The following PLCB4 variants were observed in gnomAD, a reference collection of about 807,000 sequenced individuals.
PLCB4 encodes the protein phospholipase C beta 4.
Under a neutral mutation model 178.8 loss-of-function variants are expected in PLCB4, and 77 were observed. The observed-to-expected ratio is 0.43, with a 90% CI of 0.36 to 0.52. PLCB4 has a LOEUF of 0.52. PLCB4 is among the 20% of genes least tolerant of loss of function. The pLI, the probability that PLCB4 is intolerant of heterozygous loss-of-function variation, is 0.00. For missense variants in PLCB4, 1,024 were observed against 1,453.4 expected (o/e 0.70, Z 4.80); for synonymous variants, 496 against 490.8 (o/e 1.01, Z -0.14).
At chr20:9,204,747 G>A (rs377493754) in intron 2 of PLCB4, among the ~76,000 whole-genome samples, 6 of 152,180 alleles carry the variant, frequency 3.9e-5, no homozygotes, top group African/African-American at 1.4e-4. Flanking sequence ...ACTGCCACTG[G>A]ATGGGACTGG....
rs75418230 is a variant in PLCB4 at position 9,426,701 on chromosome 20, T to G, written c.2524+2749T>G. 4.0e-3 allele frequency among the ~76,000 whole-genome samples: 606 copies of G among 152,288 alleles called. 5 individuals are homozygous for G. The highest frequency in any genetic ancestry group is 0.013 in the African/African-American group (550 of 41,556). ...CTTTTCTGTTTTATTTTTAATAAAATTAAATCTTACTATACTGCTAATTTG... is the reference window on the plus strand; with the variant it reads ...CTTTTCTGTTTTATTTTTAATAAAAGTAAATCTTACTATACTGCTAATTTG... On this transcript the variant is annotated intron_variant, in intron 28 of 39. Coordinates refer to ENST00000378473, the MANE Select transcript of PLCB4 (RefSeq NM_001377142.1).
At position 9,365,531 on chromosome 20, in the gene PLCB4, A is replaced by T; in HGVS notation, c.503+17A>T. 1 of 1,545,290 alleles carries T rather than the reference A, an allele frequency of 6.5e-7. No individual in the cohort carries two copies. Among genetic ancestry groups the T allele is most frequent in the Non-Finnish European group, 8.9e-7 (1 of 1,118,266 alleles). On this transcript the variant is annotated intron_variant, in intron 9 of 39. Coordinates refer to ENST00000378473, the MANE Select transcript of PLCB4 (RefSeq NM_001377142.1). ...AGTTAGGAGGTAAGTAATCATTCCT[A>T]TCTGCTGTCCGTGTCCCGGGTCAAC...
chr20:9,127,802 T>A (rs2327132), intron 2 of PLCB4, among the ~76,000 whole-genome samples: 134,277 of 152,038 alleles, frequency 0.88, 59,678 homozygotes, highest in East Asian at 1. Flanking sequence ...CTCCTGCCTC[T>A]GCCTCCTGAG....
At chr20:9,271,268 C>T (rs1424240480) in intron 3 of PLCB4, among the ~76,000 whole-genome samples, 1 of 152,152 alleles carries the variant, frequency 6.6e-6, no homozygotes, top group Admixed American at 6.5e-5. Context: ...GCTGAACTGT[C>T]AGAGGTAAAG....
intron 1 of PLCB4, among the ~76,000 whole-genome samples, chr20:9,070,447 T>C (rs925345665): frequency 6.6e-5 from 10 of 152,216 alleles, no homozygotes; most frequent in African/African-American, 2.4e-4. Context: ...TATAGAATCA[T>C]ACAGAAGATC....
chr20:9,326,917 T>C (rs573467552), intron 4 of PLCB4, among the ~76,000 whole-genome samples: 28 of 152,302 alleles, frequency 1.8e-4, no homozygotes, highest in African/African-American at 6.3e-4. Context: ...TTGCTCTTTT[T>C]AAAGATCTGT....
At chr20:9,206,299 C>CTTTCTTT (rs2093612916) in intron 2 of PLCB4, among the ~76,000 whole-genome samples, 2 of 96,126 alleles carry the variant, frequency 2.1e-5, no homozygotes, top group African/African-American at 7.7e-5. Context: ...TTTCTTTTTT[C>CTTTCTTT]TTTTTTTTTT....
At chr20:9,144,448 A>G (rs1402096657) in intron 2 of PLCB4, among the ~76,000 whole-genome samples, 5 of 151,742 alleles carry the variant, frequency 3.3e-5, no homozygotes, top group Non-Finnish European at 7.4e-5. Flanking sequence ...CAATCCATAG[A>G]AAATTGTTTT....
intron 3 of PLCB4, among the ~76,000 whole-genome samples, chr20:9,284,681 T>C (rs775591064): frequency 7.0e-4 from 106 of 151,970 alleles, no homozygotes; most frequent in Admixed American, 3.3e-3. Context: ...TAATCATCAG[T>C]ATCTATGACA....
chr20:9,232,024 T>A (rs1424699816), intron 3 of PLCB4, among the ~76,000 whole-genome samples: 1 of 152,128 alleles, frequency 6.6e-6, no homozygotes, highest in Non-Finnish European at 1.5e-5. Context: ...TAAAAAACAT[T>A]CTGCTGGGTG....
At chr20:9,216,060 T>G (rs1400372912) in intron 2 of PLCB4, among the ~76,000 whole-genome samples, 1 of 152,222 alleles carries the variant, frequency 6.6e-6, no homozygotes, top group African/African-American at 2.4e-5. Context: ...TAGTCATCTC[T>G]ATACATAGAT....
chr20:9,333,570 G>A (rs2032010631), intron 4 of PLCB4, among the ~76,000 whole-genome samples: 1 of 152,134 alleles, frequency 6.6e-6, no homozygotes, highest in African/African-American at 2.4e-5. Context: ...TTTTCGGCCA[G>A]GTAAGGAGTT....
At chr20:9,092,833 T>C (rs2090743077) in intron 1 of PLCB4, among the ~76,000 whole-genome samples, 1 of 152,146 alleles carries the variant, frequency 6.6e-6, no homozygotes. Context: ...GTTTACATCA[T>C]GAGAATGAAC....
chr20:9,230,365 G>A (rs994645480), intron 3 of PLCB4, among the ~76,000 whole-genome samples: 5 of 151,994 alleles, frequency 3.3e-5, no homozygotes, highest in Non-Finnish European at 7.4e-5. Flanking sequence ...TCCATAATAA[G>A]CAGTATAGGG....
At chr20:9,158,335 A>G (rs2092824776) in intron 2 of PLCB4, among the ~76,000 whole-genome samples, 1 of 151,590 alleles carries the variant, frequency 6.6e-6, no homozygotes, top group African/African-American at 2.4e-5. Flanking sequence ...ACATGATCTC[A>G]GCTCACTGTA....
chr20:9,139,403 C>G (rs1334328107), intron 2 of PLCB4, among the ~76,000 whole-genome samples: 1 of 152,056 alleles, frequency 6.6e-6, no homozygotes, highest in South Asian at 2.1e-4. Context: ...GACTCACTCA[C>G]ATGGTTAGTA....
intron 1 of PLCB4, among the ~76,000 whole-genome samples, chr20:9,075,187 C>G (rs1376130623): frequency 6.6e-6 from 1 of 152,070 alleles, no homozygotes; most frequent in Non-Finnish European, 1.5e-5. Flanking sequence ...GACTGAAACT[C>G]AGGTAGGCTG....
At chr20:9,285,320 A>T (rs747642603) in intron 3 of PLCB4, among the ~76,000 whole-genome samples, 7 of 151,988 alleles carry the variant, frequency 4.6e-5, no homozygotes, top group Non-Finnish European at 4.4e-5. Context: ...TATTGGTTTC[A>T]TGTGACTAAT....
intron 2 of PLCB4, among the ~76,000 whole-genome samples, chr20:9,180,608 C>T (rs2093229888): frequency 6.6e-6 from 1 of 152,156 alleles, no homozygotes; most frequent in Admixed American, 6.5e-5. Flanking sequence ...TGCTGCCTTT[C>T]ACACAAAGGT....
Sources: gnomAD v4.1 joint callset for allele counts (sites outside exome capture counted in the v4.1 genomes callset) on GRCh38, gnomAD v4.1.1 for gene constraint, MANE v1.5 for transcripts, NCBI Gene and HGNC (gene_info 2026-07-23, HGNC 2026-07-21) for gene names.